The following TENM2 variants were observed in gnomAD, a reference collection of about 807,000 sequenced individuals.
TENM2 encodes the protein teneurin transmembrane protein 2, also known as teneurin-2.
Under a neutral mutation model 245.2 loss-of-function variants are expected in TENM2, and 52 were observed. That is an observed-to-expected ratio of 0.21 (90% CI 0.17 to 0.27). The LOEUF (loss-of-function observed/expected upper bound fraction) is 0.27, where lower values mean the gene tolerates loss of function less well. Ranked by LOEUF, TENM2 falls within the 10% of genes least tolerant of loss-of-function variation. The pLI, the probability that TENM2 is intolerant of heterozygous loss-of-function variation, is 1.00. For synonymous variants in TENM2, 1,363 were observed against 1,438.9 expected, an observed-to-expected ratio of 0.95 and a Z score of 1.19; for missense variants, 3,046 against 3,666.8, an observed-to-expected ratio of 0.83 and a Z score of 4.37.
intron 5 of TENM2, among the ~76,000 whole-genome samples, chr5:168,046,635 A>G (rs1273713969): frequency 2.0e-5 from 3 of 152,190 alleles, no homozygotes; most frequent in Non-Finnish European, 4.4e-5. Flanking sequence ...ATGGGAGTCA[A>G]GACTTCTTCA....
At chr5:167,369,366 T>C (rs1231039479) in intron 1 of TENM2, among the ~76,000 whole-genome samples, 1 of 152,226 alleles carries the variant, frequency 6.6e-6, no homozygotes, top group Non-Finnish European at 1.5e-5. Flanking sequence ...GTTCCCATCG[T>C]CGTGACCACA....
chr5:168,158,429 T>C (rs75845487), intron 12 of TENM2, among the ~76,000 whole-genome samples: 3,316 of 152,188 alleles, frequency 0.022, 121 homozygotes, highest in African/African-American at 0.074. Context: ...GCACCTTCTA[T>C]GTGCCTAAAA....
intron 3 of TENM2, among the ~76,000 whole-genome samples, chr5:167,929,113 G>GAAAGAAAT: frequency 1.4e-5 from 1 of 72,020 alleles, no homozygotes; most frequent in South Asian, 5.1e-4. Flanking sequence ...AAGAAAGAAA[G>GAAAGAAAT]AAAGAAAGAA....
chr5:167,633,905 A>G (rs978210884), intron 2 of TENM2, among the ~76,000 whole-genome samples: 11 of 152,316 alleles, frequency 7.2e-5, no homozygotes, highest in African/African-American at 2.6e-4. Flanking sequence ...GCTTTGGTTC[A>G]TTGGTTCAAA....
chr5:167,374,242 C>T (rs1252287959), intron 1 of TENM2, among the ~76,000 whole-genome samples: 1 of 152,120 alleles, frequency 6.6e-6, no homozygotes, highest in African/African-American at 2.4e-5. Context: ...AAGATACTTG[C>T]CACTATGTTA....
At chr5:168,241,421 ATTTTT>A (rs752333194) in intron 25 of TENM2, among the ~76,000 whole-genome samples, 3 of 133,090 alleles carry the variant, frequency 2.3e-5, no homozygotes, top group African/African-American at 8.3e-5. Context: ...TGCTTGGCTA[ATTTTT>A]TTTTTTTTTT....
intron 2 of TENM2, among the ~76,000 whole-genome samples, chr5:167,507,685 G>A (rs553821822): frequency 1.3e-5 from 2 of 152,142 alleles, no homozygotes; most frequent in East Asian, 3.9e-4. Flanking sequence ...TCTAACTTTT[G>A]TTGCAGAGCT....
At chr5:167,013,669 T>C in the TENM2 span, among the ~76,000 whole-genome samples, 1 of 152,082 alleles carries the variant, frequency 6.6e-6, no homozygotes, top group African/African-American at 2.4e-5. Flanking sequence ...ATCGCACCAC[T>C]GCACTCCAGC....
At chr5:166,989,713 A>T in the TENM2 span, among the ~76,000 whole-genome samples, 1 of 151,706 alleles carries the variant, frequency 6.6e-6, no homozygotes, top group South Asian at 2.1e-4. Context: ...AATATTTACC[A>T]TTATTCCTTA....
chr5:168,034,365 G>GGGAA (rs1449942668), intron 5 of TENM2, among the ~76,000 whole-genome samples: 2 of 150,736 alleles, frequency 1.3e-5, no homozygotes, highest in African/African-American at 4.9e-5. Flanking sequence ...AAATTGGAGG[G>GGGAA]GGAACAGGAT....
At chr5:167,602,623 T>C (rs1776719331) in intron 2 of TENM2, among the ~76,000 whole-genome samples, 1 of 152,234 alleles carries the variant, frequency 6.6e-6, no homozygotes, top group African/African-American at 2.4e-5. Context: ...TCTTTGTGAA[T>C]GCATTTAAAC....
At chr5:168,221,069 G>A (rs1000391238) in intron 23 of TENM2, among the ~76,000 whole-genome samples, 7 of 151,364 alleles carry the variant, frequency 4.6e-5, no homozygotes, top group Admixed American at 6.6e-5. Context: ...TTGAGATCAC[G>A]CAGCTGTACT....
intron 2 of TENM2, among the ~76,000 whole-genome samples, chr5:167,399,890 T>C (rs182405600): frequency 2.6e-5 from 4 of 152,244 alleles, no homozygotes. Context: ...AGAAACAGAA[T>C]AGATCACATC....
intron 12 of TENM2, chr5:168,139,399 A>G (rs527827708): frequency 4.5e-6 from 2 of 439,784 alleles, no homozygotes; most frequent in East Asian, 7.0e-5. Context: ...ATTTATTTTG[A>G]AAACCTTCAG....
the TENM2 span, among the ~76,000 whole-genome samples, chr5:166,981,273 G>A: frequency 1.4e-4 from 22 of 152,032 alleles, no homozygotes; most frequent in Non-Finnish European, 3.1e-4. Flanking sequence ...TTATTCATGG[G>A]TCCCTTGAGA....
At chr5:167,146,704 C>T in the TENM2 span, among the ~76,000 whole-genome samples, 1 of 152,266 alleles carries the variant, frequency 6.6e-6, no homozygotes, top group South Asian at 2.1e-4. Context: ...GAAGTAACTC[C>T]TTTATTCTCC....
chr5:167,517,348 A>G (rs1329369956), intron 2 of TENM2, among the ~76,000 whole-genome samples: 1 of 152,170 alleles, frequency 6.6e-6, no homozygotes, highest in Non-Finnish European at 1.5e-5. Context: ...TCTTTTCTTT[A>G]AAGTTTGGGC....
the TENM2 span, among the ~76,000 whole-genome samples, chr5:167,201,856 T>A: frequency 6.6e-6 from 1 of 152,312 alleles, no homozygotes; most frequent in African/African-American, 2.4e-5. Context: ...GTTTCCTTTC[T>A]CTCTCCACTG....
Position 168,199,882 on chromosome 5 carries a change from G to A in TENM2, c.3181G>A (p.Glu1061Lys), listed in dbSNP as rs1464106409. 6.2e-6 allele frequency: 10 copies of A among 1,613,600 alleles called. No individual in the cohort carries two copies. The African/African-American group carries it at 8.0e-5, about 13-fold the overall frequency. Reference sequence around the variant, plus strand: ...TCTCCAGGTTCTTCATGAAGAAATCGAGCTCCCTGGTTCCAATGTGAAACT... The same window carrying A: ...TCTCCAGGTTCTTCATGAAGAAATCAAGCTCCCTGGTTCCAATGTGAAACT... Residue 1061 changes from glutamate (E) to lysine (K), a missense_variant, in exon 17 of 29, where the codon GAG becomes AAG. Physicochemically the swap from Glu to Lys is moderately conservative, Grantham distance 56. This residue lies in a region of TENM2 where 2,704 missense variants were observed against 3,331.9 expected (regional missense o/e 0.81). Transcript: ENST00000518659.
Sources: allele counts gnomAD v4.1 joint callset (sites outside exome capture counted in the v4.1 genomes callset), GRCh38; gene constraint gnomAD v4.1.1; regional missense constraint gnomAD v4.1.1; transcripts MANE v1.5; gene names NCBI Gene and HGNC (gene_info 2026-07-23, HGNC 2026-07-21).